The following ATP9B variants were observed in gnomAD, a reference collection of about 807,000 sequenced individuals.
The protein encoded by ATP9B is probable phospholipid-transporting ATPase IIB.
Under a neutral mutation model 146.1 loss-of-function variants are expected in ATP9B, and 110 were observed. The ratio of observed to expected loss-of-function variants is 0.75; its 90% CI spans 0.65 to 0.88. ATP9B has a LOEUF of 0.88. Among genes scored for constraint, ATP9B ranks in the 40% least tolerant of loss-of-function variants. The pLI is 0.00. For synonymous variants in ATP9B, 604 were observed against 569.7 expected (o/e 1.06, Z -0.86); for missense variants, 1,499 against 1,496.4 (o/e 1.00, Z -0.03).
intron 13 of ATP9B, among the ~76,000 whole-genome samples, chr18:79,298,771 T>C (rs898917016): frequency 1.4e-5 from 2 of 146,370 alleles, no homozygotes; most frequent in African/African-American, 5.0e-5. Flanking sequence ...CCAAAGAGGA[T>C]ATGGGAACAG....
rs770638779 is a variant in ATP9B, at chr18:79,143,784, ACTT to A, written c.668-11_668-9del. ...GCTGTTGTTTCCTTGAGTTGACTGT[ACTT>A]CTTCTTTTTTTAAGGTAAAGTGCAA... On this transcript the variant is annotated splice_polypyrimidine_tract_variant and intron_variant, in intron 5 of 29. Coordinates refer to ENST00000426216, the MANE Select transcript of ATP9B (RefSeq NM_198531.5). The A allele has an allele frequency of 1.2e-4, 184 of 1,538,940 alleles. No homozygotes were observed. The highest frequency in any genetic ancestry group is 3.0e-4 in the Admixed American group (15 of 49,392).
chr18:79,099,629 T>A (rs543464088), intron 2 of ATP9B, among the ~76,000 whole-genome samples: 12 of 152,276 alleles, frequency 7.9e-5, no homozygotes, highest in African/African-American at 2.9e-4. Flanking sequence ...TAACTTTTTA[T>A]AATTATTATC....
intron 13 of ATP9B, among the ~76,000 whole-genome samples, chr18:79,298,881 A>G (rs1205889539): frequency 8.1e-6 from 1 of 123,282 alleles, no homozygotes; most frequent in Non-Finnish European, 1.8e-5. Context: ...CCCTTCTCCC[A>G]AAGCTGTCTA....
intron 1 of ATP9B, among the ~76,000 whole-genome samples, chr18:79,091,824 G>A (rs906754221): frequency 6.6e-5 from 10 of 152,186 alleles, no homozygotes; most frequent in Admixed American, 6.5e-4. Context: ...GAGTAACAGT[G>A]GTGACAGTGG....
chr18:79,147,764 T>G (rs1385975973), intron 6 of ATP9B, among the ~76,000 whole-genome samples: 1 of 151,748 alleles, frequency 6.6e-6, no homozygotes, highest in Non-Finnish European at 1.5e-5. Flanking sequence ...TGCAAGAAAT[T>G]AGGAGAAGAC....
At chr18:79,118,390 GTTTTT>G (rs752788043) in intron 4 of ATP9B, among the ~76,000 whole-genome samples, 12 of 93,234 alleles carry the variant, frequency 1.3e-4, no homozygotes, top group African/African-American at 2.0e-4. Flanking sequence ...GAACGTTTTT[GTTTTT>G]TTTTTTTTTT....
rs191864452 is a variant in ATP9B at position 79,161,481 on chromosome 18, T to A, written c.778+6926T>A. 1.3e-3 allele frequency among the ~76,000 whole-genome samples: 204 copies of A among 152,344 alleles called. 2 individuals carry two copies. The highest frequency in any genetic ancestry group is 4.9e-3 in the African/African-American group (202 of 41,580). Reference sequence around the variant, plus strand: ...GCTGTAGTTTGTTTTAATCTATGCTTCTATTTTCATCCTCAGTTTTATTTT... The same window carrying A: ...GCTGTAGTTTGTTTTAATCTATGCTACTATTTTCATCCTCAGTTTTATTTT... On this transcript the variant is annotated intron_variant, in intron 7 of 29. Transcript: ENST00000426216.
intron 19 of ATP9B, among the ~76,000 whole-genome samples, chr18:79,339,434 G>A (rs1257259990): frequency 8.8e-5 from 13 of 148,384 alleles, no homozygotes. Context: ...TAGGAAGTAT[G>A]TCATCGCAGT....
At chr18:79,272,690 C>G (rs1235551304) in intron 12 of ATP9B, among the ~76,000 whole-genome samples, 1 of 152,230 alleles carries the variant, frequency 6.6e-6, no homozygotes, top group Non-Finnish European at 1.5e-5. Flanking sequence ...AGCTCAGGCT[C>G]TTCATTTGCC....
chr18:79,312,152 G>A (rs1568649265), intron 15 of ATP9B, among the ~76,000 whole-genome samples: 1 of 152,278 alleles, frequency 6.6e-6, no homozygotes, highest in South Asian at 2.1e-4. Context: ...GCTGGTCTTG[G>A]CTTCCCTGCT....
intron 4 of ATP9B, among the ~76,000 whole-genome samples, chr18:79,113,599 G>T (rs553575829): frequency 3.9e-5 from 6 of 152,172 alleles, no homozygotes; most frequent in Non-Finnish European, 7.3e-5. Context: ...CAGCAGAGGG[G>T]TTTTCCTTGG....
chr18:79,314,483 G>C (rs2096668829), intron 15 of ATP9B, among the ~76,000 whole-genome samples: 1 of 152,180 alleles, frequency 6.6e-6, no homozygotes, highest in Admixed American at 6.5e-5. Flanking sequence ...AAGGTCCTGT[G>C]AGGCATAAGC....
chr18:79,286,343 A>G (rs1323741568), intron 13 of ATP9B, among the ~76,000 whole-genome samples: 2 of 151,796 alleles, frequency 1.3e-5, no homozygotes, highest in African/African-American at 4.8e-5. Flanking sequence ...CGTCCCTTGT[A>G]AGTTGGATTC....
rs148202011 is a variant in ATP9B at position 79,210,983 on chromosome 18, A to G, written c.1031-2979A>G. On this transcript the variant is annotated intron_variant, in intron 10 of 29. Transcript: ENST00000426216. ...GTTTTGTTAAAGTGGTCTAGGTTTTATATTTTGTGTTTTTAAATAATTTTC... is the reference window on the plus strand; with the variant it reads ...GTTTTGTTAAAGTGGTCTAGGTTTTGTATTTTGTGTTTTTAAATAATTTTC... 2.8e-3 allele frequency among the ~76,000 whole-genome samples: 432 copies of G among 152,292 alleles called. 1 individual carries two copies. The highest frequency in any genetic ancestry group is 0.01 in the African/African-American group (423 of 41,570).
intron 12 of ATP9B, among the ~76,000 whole-genome samples, chr18:79,269,998 C>T (rs1009542712): frequency 1.3e-4 from 20 of 152,214 alleles, no homozygotes; most frequent in Admixed American, 1.0e-3. Context: ...TTAGCCGGCT[C>T]CTGTTTGCCT....
chr18:79,131,127 C>G (rs2094371072), intron 5 of ATP9B, among the ~76,000 whole-genome samples: 2 of 152,108 alleles, frequency 1.3e-5, no homozygotes, highest in South Asian at 4.1e-4. Context: ...TGCCACTGCA[C>G]TCCAGCCTGG....
rs534408534 is a variant in ATP9B at position 79,231,228 on chromosome 18, A to T, written c.1107+17190A>T. 3.9e-5 allele frequency among the ~76,000 whole-genome samples: 6 copies of T among 152,324 alleles called. No homozygotes were observed. In the East Asian group the frequency reaches 1.2e-3, roughly 29 times the overall value. ...ATAGACAACCCACAGAGTGGAAGAA[A>T]ATCTTCACAACCTATACATCTGACA... On this transcript the variant is annotated intron_variant, in intron 11 of 29. Coordinates refer to ENST00000426216, the MANE Select transcript of ATP9B (RefSeq NM_198531.5).
chr18:79,245,960 C>T (rs2095953111), intron 11 of ATP9B, among the ~76,000 whole-genome samples: 4 of 150,310 alleles, frequency 2.7e-5, no homozygotes, highest in Admixed American at 1.3e-4. Context: ...CGGAGGGCAC[C>T]ACCCTACTGA....
intron 11 of ATP9B, among the ~76,000 whole-genome samples, chr18:79,232,862 G>A (rs2095804980): frequency 6.6e-6 from 1 of 152,210 alleles, no homozygotes; most frequent in African/African-American, 2.4e-5. Context: ...CTTATTTGTA[G>A]ACAGATGTGG....
Sources: gnomAD v4.1 joint callset for allele counts (sites outside exome capture counted in the v4.1 genomes callset) on GRCh38, gnomAD v4.1.1 for gene constraint, MANE v1.5 for transcripts, NCBI Gene and HGNC (gene_info 2026-07-23, HGNC 2026-07-21) for gene names.